The following SLCO1B3 variants were observed in gnomAD, a reference collection of about 807,000 sequenced individuals.
SLCO1B3 encodes the protein liver-specific organic anion transporter 2.
SLCO1B3 carries 72 observed loss-of-function variants against 71.8 expected under a neutral mutation model. The observed-to-expected ratio is 1.00, with a 90% CI of 0.83 to 1.22. The LOEUF is 1.22. SLCO1B3 is among the 50% of genes most tolerant of loss of function. The pLI is 0.00. For synonymous variants in SLCO1B3, 298 were observed against 278.4 expected (o/e 1.07, Z -0.70); for missense variants, 911 against 819.7 (o/e 1.11, Z -1.36).
chr12:20,830,191 G>C lies in SLCO1B3; in HGVS notation c.84+14369G>C, dbSNP rs367735980. 1.1e-3 allele frequency among the ~76,000 whole-genome samples: 163 copies of C among 152,280 alleles called. 4 individuals are homozygous for C. The South Asian group carries it at 0.033, about 31-fold the overall frequency. ...CACCTGGCGCCCGTAAGAGCCTTGT[G>C]AAAGGTTAGGGCCATCTCCACTAAG... On this transcript the variant is annotated intron_variant, in intron 3 of 15. Transcript: ENST00000381545.
intron 9 of SLCO1B3, among the ~76,000 whole-genome samples, chr12:20,877,116 C>T (rs1414372889): frequency 6.6e-6 from 1 of 152,140 alleles, no homozygotes; most frequent in Non-Finnish European, 1.5e-5. Context: ...CAGGCGTGAG[C>T]CACCATGCCC....
chr12:20,880,112 ATC>A, intron 11 of SLCO1B3, among the ~76,000 whole-genome samples: 2 of 129,882 alleles, frequency 1.5e-5, no homozygotes, highest in South Asian at 3.0e-4. Context: ...TAATTATCAT[ATC>A]TTTACAAAAC....
In SLCO1B3 at chr12:20,840,964, G is replaced by T. The variant is rs572876854; in HGVS notation, c.85-14064G>T. Among the ~76,000 whole-genome samples, 109 of 152,300 alleles carry T rather than the reference G, an allele frequency of 7.2e-4. 1 individual carries two copies. Among genetic ancestry groups the T allele is most frequent in the Non-Finnish European group, 1.3e-4 (9 of 68,038 alleles). On this transcript the variant is annotated intron_variant, in intron 3 of 15. Coordinates refer to ENST00000381545, the MANE Select transcript of SLCO1B3 (RefSeq NM_019844.4). ...TCTCCAACATTTACTATAAGATCCA[G>T]GTCGAGCTCCTGAAGAGAAAATCAT...
At chr12:20,874,481 C>T (rs1388176971) in intron 8 of SLCO1B3, among the ~76,000 whole-genome samples, 1 of 152,042 alleles carries the variant, frequency 6.6e-6, no homozygotes, top group African/African-American at 2.4e-5. Context: ...GGTATCTGTC[C>T]TTCTTATTCT....
intron 3 of SLCO1B3, among the ~76,000 whole-genome samples, chr12:20,820,784 G>T (rs1864285468): frequency 8.1e-6 from 1 of 123,410 alleles, no homozygotes. Flanking sequence ...GCTGCCGAAT[G>T]AGCCATGAAC....
chr12:20,882,925 T>C (rs1175256520), intron 12 of SLCO1B3, among the ~76,000 whole-genome samples: 2 of 152,220 alleles, frequency 1.3e-5, no homozygotes, highest in African/African-American at 2.4e-5. Context: ...GGTAATAATA[T>C]ACTATATCTT....
intron 8 of SLCO1B3, among the ~76,000 whole-genome samples, chr12:20,866,357 C>G (rs1865373258): frequency 6.6e-6 from 1 of 152,104 alleles, no homozygotes; most frequent in East Asian, 1.9e-4. Context: ...ACATTGGGCA[C>G]ATAAACCTGT....
intron 9 of SLCO1B3, among the ~76,000 whole-genome samples, chr12:20,876,178 A>G (rs542129589): frequency 8.6e-4 from 131 of 152,100 alleles, no homozygotes; most frequent in Non-Finnish European, 1.6e-3. Context: ...TTTGGAGTAA[A>G]TAATGTGAAT....
Position 20,877,826 on chromosome 12 carries a change from T to A in SLCO1B3, c.1025T>A (p.Leu342Gln). ...ILTNPLYVIF[L>Q]LLTLLQVSSF... Reference sequence around the variant, plus strand: ...ACCAATCCCCTGTATGTTATATTTCTGCTTTTGACATTGTTACAAGTAAGC... The same window carrying A: ...ACCAATCCCCTGTATGTTATATTTCAGCTTTTGACATTGTTACAAGTAAGC... The change falls in exon 10 of 16, where the codon CTG becomes CAG. Residue 342 changes from leucine to glutamine, a missense_variant. By Grantham distance (113) the Leu-to-Gln change is moderately radical. Transcript: ENST00000381545. 6.4e-7 allele frequency: 1 copy of A among 1,572,722 alleles called. No individual in the cohort carries two copies. Among genetic ancestry groups the A allele is most frequent in the South Asian group, 1.2e-5 (1 of 83,274 alleles).
At chr12:20,900,772 G>A (rs763531089) in intron 14 of SLCO1B3, among the ~76,000 whole-genome samples, 2 of 152,172 alleles carry the variant, frequency 1.3e-5, no homozygotes, top group African/African-American at 4.8e-5. Flanking sequence ...TGGGCTCTGA[G>A]CCTAGAAGGA....
intron 13 of SLCO1B3, among the ~76,000 whole-genome samples, chr12:20,892,345 G>C (rs763667942): frequency 5.1e-4 from 78 of 152,124 alleles, no homozygotes; most frequent in Non-Finnish European, 2.2e-4. Flanking sequence ...TTATTTTCAG[G>C]AGTAGTGCTA....
rs758082554 is a variant in SLCO1B3, at chr12:20,875,269, G to C, written c.762G>C (p.Trp254Cys). The C allele has an allele frequency of 6.2e-6, 10 of 1,612,990 alleles. No homozygotes were observed. In the African/African-American group the frequency reaches 1.2e-4, roughly 19 times the overall value. Residue 254 changes from tryptophan (W) to cysteine (C), a missense_variant, in exon 9 of 16, where the codon TGG becomes TGC. Trp to Cys is a radical substitution (Grantham distance 215). Coordinates refer to ENST00000381545, the MANE Select transcript of SLCO1B3 (RefSeq NM_019844.4). Reference protein sequence around the residue: ...TIRITPKDSRWVGAWWLGFLV... With the variant: ...TIRITPKDSRCVGAWWLGFLV... Reference sequence around the variant, plus strand: ...GAATAACTCCTAAGGACTCTCGTTGGGTTGGAGCTTGGTGGCTTGGTTTCC... The same window carrying C: ...GAATAACTCCTAAGGACTCTCGTTGCGTTGGAGCTTGGTGGCTTGGTTTCC...
intron 3 of SLCO1B3, among the ~76,000 whole-genome samples, chr12:20,847,708 T>C (rs1222448872): frequency 5.9e-5 from 9 of 151,466 alleles, no homozygotes; most frequent in Non-Finnish European, 1.0e-4. Context: ...AATATATATA[T>C]ATATATGAAG....
At chr12:20,818,692 C>A (rs1239229415) in intron 3 of SLCO1B3, among the ~76,000 whole-genome samples, 2 of 152,320 alleles carry the variant, frequency 1.3e-5, no homozygotes, top group South Asian at 2.1e-4. Flanking sequence ...AAGAGGCGGG[C>A]TAGTGGCTTG....
intron 15 of SLCO1B3, among the ~76,000 whole-genome samples, chr12:20,903,375 G>A (rs1250707262): frequency 1.3e-5 from 2 of 152,250 alleles, no homozygotes; most frequent in East Asian, 3.9e-4. Flanking sequence ...TTCATATAGT[G>A]GAATATTAGT....
At chr12:20,832,679 A>G (rs1186121249) in intron 3 of SLCO1B3, among the ~76,000 whole-genome samples, 5 of 152,002 alleles carry the variant, frequency 3.3e-5, no homozygotes, top group Non-Finnish European at 2.9e-5. Context: ...TGCCAAGCAC[A>G]CTTCTGACTT....
chr12:20,893,753 G>A (rs1314565949), intron 13 of SLCO1B3, among the ~76,000 whole-genome samples: 2 of 152,128 alleles, frequency 1.3e-5, no homozygotes, highest in African/African-American at 2.4e-5. Flanking sequence ...GAGTGAGTGG[G>A]ATTAAGGGAT....
intron 1 of SLCO1B3, among the ~76,000 whole-genome samples, chr12:20,812,692 A>T (rs1288746766): frequency 6.6e-6 from 1 of 152,222 alleles, no homozygotes; most frequent in Admixed American, 6.5e-5. Flanking sequence ...AAGAATGGAC[A>T]TGATATGCAT....
rs1865605136 is a variant in SLCO1B3 at position 20,877,507 on chromosome 12, G to A, written c.971-265G>A. The stretch of plus-strand genomic sequence containing the variant: ...CATAATGTCACTTGAATTGTTTATT[G>A]ATCCATTTTTTAATGGATCAACATT... On this transcript the variant is annotated intron_variant, in intron 9 of 15. Coordinates refer to ENST00000381545, the MANE Select transcript of SLCO1B3 (RefSeq NM_019844.4). Among the ~76,000 whole-genome samples the A allele has an allele frequency of 5.3e-5, 8 of 151,960 alleles. 1 individual carries two copies. The highest frequency in any genetic ancestry group is 5.2e-4 in the Admixed American group (8 of 15,242).
Sources: allele counts gnomAD v4.1 joint callset (sites outside exome capture counted in the v4.1 genomes callset), GRCh38; gene constraint gnomAD v4.1.1; transcripts MANE v1.5; gene names NCBI Gene and HGNC (gene_info 2026-07-23, HGNC 2026-07-21).